Variants in NRM observed in about 807,000 individuals in gnomAD.
The protein encoded by NRM is nurim, also known as nuclear rim protein.
In NRM, 19 loss-of-function variants were observed where a neutral mutation model predicts 23.4. The ratio of observed to expected loss-of-function variants is 0.81; its 90% CI spans 0.57 to 1.19. The LOEUF is 1.19. NRM is among the 50% of genes most tolerant of loss of function. The pLI is 0.00. For missense variants in NRM, 232 were observed against 329.7 expected, an observed-to-expected ratio of 0.70 and a Z score of 2.30; for synonymous variants, 140 against 143.5, an observed-to-expected ratio of 0.98 and a Z score of 0.17.
In NRM at chr6:30,689,219, G is replaced by C. The variant is rs1771305318; in HGVS notation, c.507+57C>G. 6.8e-7 allele frequency: 1 copy of C among 1,470,976 alleles called. No homozygotes were observed. Among genetic ancestry groups the C allele is most frequent in the African/African-American group, 1.4e-5 (1 of 70,910 alleles). The allele number at this position is 1,470,976 out of a possible 1,614,324, so 91.1% of individuals were successfully genotyped here. ...ATGGGAGGAGGGAAACCCTTGAAAG[G>C]GAACGAGGAGTTCTAAAATGGGTCA... On this transcript the variant is annotated intron_variant, in intron 3 of 3. Coordinates refer to ENST00000376421, the MANE Select transcript of NRM (RefSeq NM_001384369.1). This position sits in a 1 kb window ranked among gnomAD's most constrained non-coding sequence, Gnocchi z 4.7.
In NRM at chr6:30,688,650, G is replaced by A. The variant is rs1771205959; in HGVS notation, c.*11C>T. 1 of 1,612,008 alleles carries A rather than the reference G, an allele frequency of 6.2e-7. No homozygotes were observed. Among genetic ancestry groups the A allele is most frequent in the African/African-American group, 1.3e-5 (1 of 74,846 alleles). On this transcript the variant is annotated 3_prime_UTR_variant, in exon 4 of 4. Transcript: ENST00000376421. The surrounding 1 kb of genome is among the most constrained non-coding windows in gnomAD (Gnocchi z 5.9). ...AGAGGAAGAACAGGGCTTGTAACCA[G>A]AGTGAGCTCCTCACTCTGCCTCCCC...
rs769158965 is a variant in NRM at position 30,688,731 on chromosome 6, C to T, written c.719G>A (p.Arg240His). 8 of 1,613,704 alleles carry T rather than the reference C, an allele frequency of 5.0e-6. No homozygotes were observed. Among genetic ancestry groups the T allele is most frequent in the African/African-American group, 4.0e-5 (3 of 74,776 alleles). Reference protein sequence around the residue: ...LAHGLDQQDLRYLRAQLQRKL... With the variant: ...LAHGLDQQDLHYLRAQLQRKL... ...TCTTTGTAGCTGGGCCCGGAGGTAGCGGAGGTCTTGCTGATCAAGCCCGTG... is the reference window on the plus strand; with the variant it reads ...TCTTTGTAGCTGGGCCCGGAGGTAGTGGAGGTCTTGCTGATCAAGCCCGTG... Residue 240 changes from arginine to histidine, a missense_variant, in exon 4 of 4, where the codon CGC becomes CAC. Physicochemically the swap from Arg to His is conservative, Grantham distance 29. Transcript: ENST00000376421. This position sits in a 1 kb window ranked among gnomAD's most constrained non-coding sequence, Gnocchi z 5.9.
In NRM at chr6:30,690,621, G is replaced by C; in HGVS notation, c.133+221C>G. On this transcript the variant is annotated intron_variant, in intron 1 of 3. Transcript: ENST00000376421. The surrounding 1 kb of genome is among the most constrained non-coding windows in gnomAD (Gnocchi z 5.5). ...GAATACTCCGGTCACCGCCCTTTTCGGCTCCCTCAGTCCTCACTCTCCCGC... is the reference window on the plus strand; with the variant it reads ...GAATACTCCGGTCACCGCCCTTTTCCGCTCCCTCAGTCCTCACTCTCCCGC... The C allele has an allele frequency of 1.3e-6, 2 of 1,555,950 alleles. No homozygotes were observed. The highest frequency in any genetic ancestry group is 1.7e-6 in the Non-Finnish European group (2 of 1,150,104).
In NRM at chr6:30,689,471, C is replaced by A. The variant is rs868735812; in HGVS notation, c.331-19G>T. On this transcript the variant is annotated intron_variant, in intron 2 of 3. Transcript: ENST00000376421. The surrounding 1 kb of genome is among the most constrained non-coding windows in gnomAD (Gnocchi z 4.7). ...TCACCAGCTGTGGAAGGATAAGGGGCTGGGTATCCCAGTGGCCTAGTCTGC... is the reference window on the plus strand; with the variant it reads ...TCACCAGCTGTGGAAGGATAAGGGGATGGGTATCCCAGTGGCCTAGTCTGC... 1.3e-6 allele frequency: 2 copies of A among 1,552,048 alleles called. No homozygotes were observed. Among genetic ancestry groups the A allele is most frequent in the African/African-American group, 1.4e-5 (1 of 73,102 alleles).
rs1438654298 is a variant in NRM, at chr6:30,690,229, A to G, written c.148T>C (p.Trp50Arg). 5.1e-6 allele frequency: 8 copies of G among 1,571,248 alleles called. No individual in the cohort carries two copies. Among genetic ancestry groups the G allele is most frequent in the Non-Finnish European group, 6.9e-6 (8 of 1,166,374 alleles). ...CTGCGGTCCTGCAGGGCAGCCAGCC[A>G]TCCCTGGCGGGCATCTACAGGAAGT... ...ESGGPDARQG[W>R]LAALQDRSIL... Residue 50 changes from tryptophan to arginine, a missense_variant, in exon 2 of 4, where the codon TGG (tryptophan) becomes CGG (arginine). Coordinates refer to ENST00000376421, the MANE Select transcript of NRM (RefSeq NM_001384369.1). This position sits in a 1 kb window ranked among gnomAD's most constrained non-coding sequence, Gnocchi z 5.5.
In NRM at chr6:30,688,227, C is replaced by A. The variant is rs1406541926; in HGVS notation, c.*434G>T. On this transcript the variant is annotated 3_prime_UTR_variant, in exon 4 of 4. Coordinates refer to ENST00000376421, the MANE Select transcript of NRM (RefSeq NM_001384369.1). The surrounding 1 kb of genome is among the most constrained non-coding windows in gnomAD (Gnocchi z 5.9). ...CGGGAGTGGTGAGGCAAGGTTGGGG[C>A]CTGGAGGGACAGCTATGACCGTTGA... 5.3e-6 allele frequency: 1 copy of A among 189,020 alleles called. No individual in the cohort carries two copies. Among genetic ancestry groups the A allele is most frequent in the East Asian group, 1.5e-4 (1 of 6,886 alleles). 11.7% of individuals were successfully genotyped at this position (189,020 alleles called of 1,614,324 possible).
chr6:30,689,549 A>G lies in NRM; in HGVS notation c.331-97T>C. 8.1e-7 allele frequency: 1 copy of G among 1,227,066 alleles called. No homozygotes were observed. The allele number at this position is 1,227,066 out of a possible 1,614,324, so 76.0% of individuals were successfully genotyped here. On this transcript the variant is annotated intron_variant, in intron 2 of 3. Transcript: ENST00000376421. This position sits in a 1 kb window ranked among gnomAD's most constrained non-coding sequence, Gnocchi z 4.7. ...CTGCCCCCACCACAGGCTAGCCTGCAACTCTCCCCCACCTCTCTCCTAAGC... is the reference window on the plus strand; with the variant it reads ...CTGCCCCCACCACAGGCTAGCCTGCGACTCTCCCCCACCTCTCTCCTAAGC...
Position 30,689,929 on chromosome 6 carries a change from C to T in NRM, c.330+118G>A. The stretch of plus-strand genomic sequence containing the variant: ...GGAATGGAAGCTGAGATTAGTTCCT[C>T]AATTCTCCTCCTGAACCCATATTTT... On this transcript the variant is annotated intron_variant, in intron 2 of 3. Transcript: ENST00000376421. The surrounding 1 kb of genome is among the most constrained non-coding windows in gnomAD (Gnocchi z 4.7). 1.0e-6 allele frequency: 1 copy of T among 954,376 alleles called. No individual in the cohort carries two copies. Among genetic ancestry groups the T allele is most frequent in the Non-Finnish European group, 1.6e-6 (1 of 638,458 alleles). The allele number at this position is 954,376 out of a possible 1,614,324, so 59.1% of individuals were successfully genotyped here.
In NRM at chr6:30,689,398, G is replaced by A. The variant is rs200616655; in HGVS notation, c.385C>T (p.Arg129Trp). The change falls in exon 3 of 4, where the codon CGG becomes TGG. Residue 129 changes from arginine to tryptophan, a missense_variant. Physicochemically the swap from Arg to Trp is moderately radical, Grantham distance 101. Coordinates refer to ENST00000376421, the MANE Select transcript of NRM (RefSeq NM_001384369.1). This position sits in a 1 kb window ranked among gnomAD's most constrained non-coding sequence, Gnocchi z 4.7. ...IPKGPVLWEA[R>W]AEPWATWVPL... ...ACCCAGGTGGCCCATGGCTCAGCCC[G>A]AGCCTCCCACAACACAGGGCCTTTG... 35 of 1,570,414 alleles carry A rather than the reference G, an allele frequency of 2.2e-5. No individual in the cohort carries two copies. Among genetic ancestry groups the A allele is most frequent in the Non-Finnish European group, 2.8e-5 (32 of 1,157,874 alleles).
chr6:30,691,100 G>A, upstream of NRM: 5 of 1,129,614 alleles, frequency 4.4e-6, no homozygotes, highest in Non-Finnish European at 6.2e-6. Context: ...CCACCGCCAG[G>A]CTTCCGGCCC....
At position 30,690,780 on chromosome 6, in the gene NRM, C is replaced by A; in HGVS notation, c.133+62G>T. The stretch of plus-strand genomic sequence containing the variant: ...GTCATTTGTTTCCAAGCCCCGCCCT[C>A]AATCCCTCTCCTACGGCTCCACCTT... On this transcript the variant is annotated intron_variant, in intron 1 of 3. Coordinates refer to ENST00000376421, the MANE Select transcript of NRM (RefSeq NM_001384369.1). The surrounding 1 kb of genome is among the most constrained non-coding windows in gnomAD (Gnocchi z 5.5). The A allele has an allele frequency of 6.2e-7, 1 of 1,612,518 alleles. No homozygotes were observed. The highest frequency in any genetic ancestry group is 8.5e-7 in the Non-Finnish European group (1 of 1,179,656).
upstream of NRM, chr6:30,691,113 C>T: frequency 1.1e-6 from 1 of 936,764 alleles, no homozygotes; most frequent in Non-Finnish European, 1.6e-6. Context: ...TCCGGCCCGC[C>T]TGGCGCAGCC....
chr6:30,689,159 G>A lies in NRM; in HGVS notation c.507+117C>T. On this transcript the variant is annotated intron_variant, in intron 3 of 3. Transcript: ENST00000376421. The surrounding 1 kb of genome is among the most constrained non-coding windows in gnomAD (Gnocchi z 4.7). Reference sequence around the variant, plus strand: ...TTACGAGGGAAAGTCAAAGGGAAGGGCCACGAGGGAGAAGCAGGGAGACAG... The same window carrying A: ...TTACGAGGGAAAGTCAAAGGGAAGGACCACGAGGGAGAAGCAGGGAGACAG... The A allele has an allele frequency of 2.5e-6, 3 of 1,180,620 alleles. No homozygotes were observed. Among genetic ancestry groups the A allele is most frequent in the East Asian group, 2.6e-5 (1 of 38,982 alleles). The allele number at this position is 1,180,620 out of a possible 1,614,324, so 73.1% of individuals were successfully genotyped here.
rs754079776 is a variant in NRM, at chr6:30,688,764, C to A, written c.686G>T (p.Gly229Val). 3 of 1,613,694 alleles carry A rather than the reference C, an allele frequency of 1.9e-6. No individual in the cohort carries two copies. Among genetic ancestry groups the A allele is most frequent in the Non-Finnish European group, 2.5e-6 (3 of 1,179,974 alleles). ...TTGCTGATCAAGCCCGTGAGCCAGG[C>A]CCAGGTAGAGGGTAAGGAGGAAAGC... ...LLAFLLTLYLGLAHGLDQQDL... is the reference protein window; with the variant it reads ...LLAFLLTLYLVLAHGLDQQDL... The change falls in exon 4 of 4, where the codon GGC becomes GTC. Residue 229 changes from glycine to valine, a missense_variant. Transcript: ENST00000376421. The surrounding 1 kb of genome is among the most constrained non-coding windows in gnomAD (Gnocchi z 5.9).
chr6:30,689,270 C>T lies in NRM; in HGVS notation c.507+6G>A. ...GAGGTCATAGGTAGGGATCTCGGAGCCTCACCTGTTTGAGGCCCATGAGCT... is the reference window on the plus strand; with the variant it reads ...GAGGTCATAGGTAGGGATCTCGGAGTCTCACCTGTTTGAGGCCCATGAGCT... On this transcript the variant is annotated splice_donor_region_variant and intron_variant, in intron 3 of 3. Coordinates refer to ENST00000376421, the MANE Select transcript of NRM (RefSeq NM_001384369.1). This position sits in a 1 kb window ranked among gnomAD's most constrained non-coding sequence, Gnocchi z 4.7. 1 of 1,552,052 alleles carries T rather than the reference C, an allele frequency of 6.4e-7. No homozygotes were observed. The highest frequency in any genetic ancestry group is 8.7e-7 in the Non-Finnish European group (1 of 1,147,226).
At position 30,690,195 on chromosome 6, in the gene NRM, G is replaced by A. The variant is rs1015398814; in HGVS notation, c.182C>T (p.Ala61Val). Residue 61 changes from alanine (A) to valine (V), a missense_variant, in exon 2 of 4, where the codon GCC becomes GTC. Coordinates refer to ENST00000376421, the MANE Select transcript of NRM (RefSeq NM_001384369.1). The surrounding 1 kb of genome is among the most constrained non-coding windows in gnomAD (Gnocchi z 5.5). ...LAALQDRSIL[A>V]PLAWDLGLLL... ...GAGCCCCAGATCCCATGCCAGGGGG[G>A]CAAGGATGCTGCGGTCCTGCAGGGC... The A allele has an allele frequency of 3.7e-6, 6 of 1,610,556 alleles. No individual in the cohort carries two copies. The highest frequency in any genetic ancestry group is 5.1e-6 in the Non-Finnish European group (6 of 1,179,236).
rs558435463 is a variant in NRM at position 30,689,969 on chromosome 6, C to T, written c.330+78G>A. ...ACCCATATTTTGCCCCTCCAATCCA[C>T]GGCACCCCTCCCACACTTGGTCTCC... is the stretch of plus-strand genomic sequence containing the variant. On this transcript the variant is annotated intron_variant, in intron 2 of 3. Transcript: ENST00000376421. The surrounding 1 kb of genome is among the most constrained non-coding windows in gnomAD (Gnocchi z 4.7). The T allele has an allele frequency of 6.5e-5, 96 of 1,483,154 alleles. No individual in the cohort carries two copies. The highest frequency in any genetic ancestry group is 1.9e-4 in the Middle Eastern group (1 of 5,298). The allele number at this position is 1,483,154 out of a possible 1,614,324, so 91.9% of individuals were successfully genotyped here. A position where few individuals can be genotyped will look rare whatever the true frequency, so the allele number is the denominator to read the frequency against.
Position 30,690,753 on chromosome 6 carries a change from C to CT in NRM, c.133+88dup. On this transcript the variant is annotated intron_variant, in intron 1 of 3. Transcript: ENST00000376421. The surrounding 1 kb of genome is among the most constrained non-coding windows in gnomAD (Gnocchi z 5.5). ...TCGAGTTCCCTCTCTTGGACTTCCC[C>CT]TGTCATTTGTTTCCAAGCCCCGCCC... is the stretch of plus-strand genomic sequence containing the variant. 1.2e-6 allele frequency: 2 copies of CT among 1,611,632 alleles called. No homozygotes were observed. Among genetic ancestry groups the CT allele is most frequent in the Non-Finnish European group, 1.7e-6 (2 of 1,179,310 alleles).
Position 30,688,721 on chromosome 6 carries a change from C to G in NRM, c.729G>C (p.Arg243=). The G allele has an allele frequency of 6.2e-7, 1 of 1,613,886 alleles. No homozygotes were observed. The highest frequency in any genetic ancestry group is 8.5e-7 in the Non-Finnish European group (1 of 1,179,984). ...GGTGGAGTTTTCTTTGTAGCTGGGC[C>G]CGGAGGTAGCGGAGGTCTTGCTGAT... is the stretch of plus-strand genomic sequence containing the variant. ...GLDQQDLRYL[R]AQLQRKLHLL... The change falls in exon 4 of 4, where the codon CGG becomes CGC. Residue 243 remains arginine, a synonymous_variant. Transcript: ENST00000376421. This position sits in a 1 kb window ranked among gnomAD's most constrained non-coding sequence, Gnocchi z 5.9.
Sources: allele counts gnomAD v4.1 joint callset, GRCh38; gene constraint gnomAD v4.1.1; non-coding constraint Gnocchi (gnomAD v3.1); transcripts MANE v1.5; gene names NCBI Gene and HGNC (gene_info 2026-07-23, HGNC 2026-07-21).